Variants in SP1 observed in about 807,000 individuals in gnomAD.
SP1 encodes the protein Sp1 transcription factor.
A neutral mutation model predicts 66.3 loss-of-function variants in SP1; 6 were observed. That is an observed-to-expected ratio of 0.09 (90% confidence interval 0.05 to 0.18). The LOEUF is 0.18. Among genes scored for constraint, SP1 ranks in the 10% least tolerant of loss-of-function variants. The pLI, the probability that SP1 is intolerant of heterozygous loss-of-function variation, is 1.00. For synonymous variants in SP1, 417 were observed against 360.8 expected (o/e 1.16, Z -1.77); for missense variants, 848 against 964.5 (o/e 0.88, Z 1.60).
intron 3 of SP1, among the ~76,000 whole-genome samples, chr12:53,384,094 C>T (rs546466060): frequency 4.0e-5 from 6 of 149,452 alleles, no homozygotes; most frequent in East Asian, 2.0e-4. Flanking sequence ...CTCAGCCTCC[C>T]GAGTGGCTGG....
rs533506401 is a variant in SP1 at position 53,382,115 on chromosome 12, C to T, written c.168C>T (p.Ser56=). ...SSSTGGGGQE[S]QPSPLALLAA... ...TCTCCCTTATTTTCGGCCAGGAGTCCCAGCCATCCCCTTTGGCTCTGCTGG... is the reference window on the plus strand; with the variant it reads ...TCTCCCTTATTTTCGGCCAGGAGTCTCAGCCATCCCCTTTGGCTCTGCTGG... Residue 56 remains serine (S), a synonymous_variant, in exon 3 of 6, where the codon TCC becomes TCT. Transcript: ENST00000327443. 2.4e-4 allele frequency: 389 copies of T among 1,613,494 alleles called. 5 individuals are homozygous for T. In the South Asian group the frequency reaches 3.9e-3, roughly 16 times the overall value.
chr12:53,410,191 GCTAC>G (rs1938847794), intron 5 of SP1, among the ~76,000 whole-genome samples: 1 of 151,690 alleles, frequency 6.6e-6, no homozygotes, highest in Non-Finnish European at 1.5e-5. Flanking sequence ...TGTAATCCCA[GCTAC>G]TCAGGAGGCT....
rs1029029716 is a variant in SP1 at position 53,409,894 on chromosome 12, C to T, written c.2044+333C>T. Among the ~76,000 whole-genome samples the T allele has an allele frequency of 2.6e-5, 4 of 152,264 alleles. No homozygotes were observed. The East Asian group carries it at 7.7e-4, about 29-fold the overall frequency. ...GCATGGTGGCAGGCGCCTGTAGTTG[C>T]AGCTACTCAGGAGGTGGAGGCAGGA... is the stretch of plus-strand genomic sequence containing the variant. On this transcript the variant is annotated intron_variant, in intron 5 of 5. Transcript: ENST00000327443.
In SP1 at chr12:53,414,829, C is replaced by G. The variant is rs1167292242; in HGVS notation, c.*3589C>G. ...GTTATGCTTAGGGGGAGCCCTGGTGCTACTTGCTTGAAGTTTTCAGTGTAA... is the reference window on the plus strand; with the variant it reads ...GTTATGCTTAGGGGGAGCCCTGGTGGTACTTGCTTGAAGTTTTCAGTGTAA... On this transcript the variant is annotated 3_prime_UTR_variant, in exon 6 of 6. Coordinates refer to ENST00000327443, the MANE Select transcript of SP1 (RefSeq NM_138473.3). 2 of 152,520 alleles carry G rather than the reference C, an allele frequency of 1.3e-5. No individual in the cohort carries two copies. The highest frequency in any genetic ancestry group is 2.9e-5 in the Non-Finnish European group (2 of 68,038). The allele number at this position is 152,520 out of a possible 1,614,324, so 9.4% of individuals were successfully genotyped here.
intron 3 of SP1, among the ~76,000 whole-genome samples, chr12:53,390,744 A>C (rs1938330147): frequency 6.6e-6 from 1 of 152,176 alleles, no homozygotes; most frequent in African/African-American, 2.4e-5. Flanking sequence ...GACAGTCTTC[A>C]GACCTTTTCC....
intron 3 of SP1, among the ~76,000 whole-genome samples, chr12:53,388,583 T>C (rs1437783992): frequency 1.3e-5 from 2 of 152,194 alleles, no homozygotes; most frequent in Non-Finnish European, 2.9e-5. Context: ...AATTGTGTAG[T>C]ATTTCCCCTT....
chr12:53,406,549 A>G (rs1938742924), intron 3 of SP1, 36 bp from the exon 4 acceptor site: 6 of 1,598,536 alleles, frequency 3.8e-6, no homozygotes, highest in South Asian at 1.1e-5. Context: ...TAACCTGCCC[A>G]TGTCACATGT....
chr12:53,382,001 G>T, intron 2 of SP1, 109 bp from the exon 3 acceptor site: 1 of 1,225,728 alleles, frequency 8.2e-7, no homozygotes, highest in Non-Finnish European at 1.1e-6. Flanking sequence ...TTTTGTTTCT[G>T]TTTTTTGCTC....
Position 53,398,851 on chromosome 12 carries a change from T to C in SP1, c.1676-7734T>C, listed in dbSNP as rs76367772. On this transcript the variant is annotated intron_variant, in intron 3 of 5. Coordinates refer to ENST00000327443, the MANE Select transcript of SP1 (RefSeq NM_138473.3). ...TTAAAAACAGTCAAACAATGCAAAA[T>C]TAATAGAGAAAGTAAAATTTACTGA... is the stretch of plus-strand genomic sequence containing the variant. Among the ~76,000 whole-genome samples, 375 of 152,272 alleles carry C rather than the reference T, an allele frequency of 2.5e-3. 1 individual carries two copies. The highest frequency in any genetic ancestry group is 7.4e-3 in the African/African-American group (306 of 41,554).
In SP1 at chr12:53,413,951, A is replaced by G. The variant is rs576108543; in HGVS notation, c.*2711A>G. On this transcript the variant is annotated 3_prime_UTR_variant, in exon 6 of 6. Coordinates refer to ENST00000327443, the MANE Select transcript of SP1 (RefSeq NM_138473.3). ...TTTCCACTTGCCCTGTTCTCTTCAC[A>G]CCAAGGAAGCTCCAGATCCAGTATC... 6.6e-6 allele frequency: 1 copy of G among 152,134 alleles called. No individual in the cohort carries two copies. Among genetic ancestry groups the G allele is most frequent in the African/African-American group, 2.4e-5 (1 of 41,412 alleles). 9.4% of individuals were successfully genotyped at this position (152,134 alleles called of 1,614,324 possible).
chr12:53,392,586 T>G (rs1466015036), intron 3 of SP1, among the ~76,000 whole-genome samples: 1 of 151,426 alleles, frequency 6.6e-6, no homozygotes, highest in African/African-American at 2.4e-5. Flanking sequence ...CTCGATCTCC[T>G]GACCTCGTGA....
At chr12:53,402,981 A>AG (rs1041152900) in intron 3 of SP1, among the ~76,000 whole-genome samples, 1 of 151,824 alleles carries the variant, frequency 6.6e-6, no homozygotes, top group African/African-American at 2.4e-5. Flanking sequence ...AAAAAAAAAA[A>AG]AAATGCAGAA....
At chr12:53,391,707 G>A (rs1402870631) in intron 3 of SP1, among the ~76,000 whole-genome samples, 1 of 151,146 alleles carries the variant, frequency 6.6e-6, no homozygotes, top group Non-Finnish European at 1.5e-5. Flanking sequence ...CCCGGGTCCG[G>A]TCATGAGCAT....
Position 53,396,138 on chromosome 12 carries a change from G to A in SP1, c.1676-10447G>A, listed in dbSNP as rs184487258. ...CTTGTCTCAAAAAAAAAAATTAGCC[G>A]GGTGTGGTGGCAGGCACCTGTAGTC... On this transcript the variant is annotated intron_variant, in intron 3 of 5. Transcript: ENST00000327443. Among the ~76,000 whole-genome samples the A allele has an allele frequency of 1.7e-4, 26 of 151,006 alleles. No homozygotes were observed. In the East Asian group the frequency reaches 4.8e-3, roughly 28 times the overall value.
chr12:53,409,326 AGAAT>A (rs779955965), intron 4 of SP1, 32 bp from the exon 5 acceptor site: 1 of 1,569,264 alleles, frequency 6.4e-7, no homozygotes, highest in South Asian at 1.1e-5. Flanking sequence ...AGTTTTCTCT[AGAAT>A]GAATGATTAA....
rs1289164365 is a variant in SP1 at position 53,406,594 on chromosome 12, G to C, written c.1685G>C (p.Gly562Ala). The part of the protein sequence containing the change: ...LAIANAPGDH[G>A]AQLGLHGAGG... The stretch of plus-strand genomic sequence containing the variant: ...TCTCTCTTAATTTCAGGTGATCATG[G>C]AGCTCAGCTTGGTCTCCATGGGGCT... Residue 562 changes from glycine (G) to alanine (A), a missense_variant, in exon 4 of 6, where the codon GGA (glycine) becomes GCA (alanine). Physicochemically the swap from Gly to Ala is moderately conservative, Grantham distance 60 (BLOSUM62 0). Transcript: ENST00000327443. 1.2e-6 allele frequency: 2 copies of C among 1,613,818 alleles called. No individual in the cohort carries two copies. Among genetic ancestry groups the C allele is most frequent in the East Asian group, 4.5e-5 (2 of 44,874 alleles).
At chr12:53,384,171 A>G (rs1212665952) in intron 3 of SP1, among the ~76,000 whole-genome samples, 1 of 151,852 alleles carries the variant, frequency 6.6e-6, no homozygotes, top group Non-Finnish European at 1.5e-5. Flanking sequence ...GGGTTTCACC[A>G]TGTGAGCTAG....
intron 3 of SP1, among the ~76,000 whole-genome samples, chr12:53,383,864 CAG>C (rs1320516975): frequency 3.3e-5 from 5 of 152,108 alleles, no homozygotes; most frequent in Non-Finnish European, 1.5e-5. Flanking sequence ...CTGTAATACT[CAG>C]TGTTTTTGGT....
At chr12:53,384,598 T>C (rs1373925498) in intron 3 of SP1, among the ~76,000 whole-genome samples, 3 of 152,208 alleles carry the variant, frequency 2.0e-5, no homozygotes, top group Admixed American at 1.3e-4. Flanking sequence ...ATTTTCTGTT[T>C]TGTATGTTTT....
Sources: allele counts gnomAD v4.1 joint callset (sites outside exome capture counted in the v4.1 genomes callset), GRCh38; gene constraint gnomAD v4.1.1; transcripts MANE v1.5; gene names NCBI Gene and HGNC (gene_info 2026-07-23, HGNC 2026-07-21).